Variants in SYNPR observed in about 807,000 individuals in gnomAD.
SYNPR encodes the protein synaptoporin.
SYNPR carries 23 observed loss-of-function variants against 32.9 expected under a neutral mutation model. The ratio of observed to expected loss-of-function variants is 0.70; its 90% CI spans 0.50 to 0.99. The LOEUF is 0.99. SYNPR is among the 50% of genes least tolerant of loss of function. The pLI, the probability that SYNPR is intolerant of heterozygous loss-of-function variation, is 0.00. For synonymous variants in SYNPR, 146 were observed against 135.9 expected, an observed-to-expected ratio of 1.07 and a Z score of -0.52; for missense variants, 318 against 349.3, an observed-to-expected ratio of 0.91 and a Z score of 0.71.
intron 2 of SYNPR, among the ~76,000 whole-genome samples, chr3:63,318,454 T>C (rs148938601): frequency 3.2e-4 from 48 of 152,060 alleles, no homozygotes; most frequent in African/African-American, 1.1e-3. Flanking sequence ...CATATTTTCT[T>C]ATTCTTTTTT....
intron 2 of SYNPR, among the ~76,000 whole-genome samples, chr3:63,459,894 C>T (rs1700549684): frequency 6.6e-6 from 1 of 152,026 alleles, no homozygotes; most frequent in African/African-American, 2.4e-5. Context: ...TTGACACCTC[C>T]CTCATCCACT....
chr3:63,543,326 C>T (rs1404124122), intron 3 of SYNPR, among the ~76,000 whole-genome samples: 1 of 152,030 alleles, frequency 6.6e-6, no homozygotes, highest in Non-Finnish European at 1.5e-5. Flanking sequence ...GGAAGCCAAA[C>T]AAAATTATTG....
the SYNPR span, among the ~76,000 whole-genome samples, chr3:63,221,081 G>A: frequency 1.3e-5 from 2 of 152,140 alleles, no homozygotes; most frequent in Admixed American, 6.5e-5. Context: ...CAAGTACAAG[G>A]GAAGAAATGA....
At chr3:63,336,752 A>AT (rs1268707892) in intron 2 of SYNPR, among the ~76,000 whole-genome samples, 1 of 152,098 alleles carries the variant, frequency 6.6e-6, no homozygotes, top group Admixed American at 6.6e-5. Context: ...ATTAAGTTAG[A>AT]TTTCATTAAA....
At chr3:63,465,212 A>G (rs1263948420) in intron 2 of SYNPR, among the ~76,000 whole-genome samples, 2 of 152,142 alleles carry the variant, frequency 1.3e-5, no homozygotes, top group African/African-American at 4.8e-5. Flanking sequence ...ATTAAAATAT[A>G]ATGAGAAAAA....
intron 1 of SYNPR, among the ~76,000 whole-genome samples, chr3:63,248,030 C>T (rs2086304864): frequency 6.6e-6 from 1 of 152,076 alleles, no homozygotes; most frequent in African/African-American, 2.4e-5. Flanking sequence ...CTGGCCAGAG[C>T]ACTGAAGGGA....
intron 2 of SYNPR, among the ~76,000 whole-genome samples, chr3:63,341,214 T>C (rs573343062): frequency 1.3e-5 from 2 of 152,368 alleles, no homozygotes; most frequent in East Asian, 3.9e-4. Context: ...TGTGACTTGA[T>C]AGCTCATTTA....
chr3:63,585,481 C>T (rs1212478078), intron 4 of SYNPR, among the ~76,000 whole-genome samples: 1 of 151,550 alleles, frequency 6.6e-6, no homozygotes, highest in Non-Finnish European at 1.5e-5. Context: ...CCACCACACA[C>T]ACACACACCA....
At chr3:63,397,076 C>T (rs1240313348) in intron 2 of SYNPR, among the ~76,000 whole-genome samples, 2 of 146,260 alleles carry the variant, frequency 1.4e-5, no homozygotes, top group Non-Finnish European at 3.0e-5. Context: ...TGCACTCCAG[C>T]CTGGGCAACA....
At chr3:63,614,168 C>T (rs978382697) in intron 5 of SYNPR, among the ~76,000 whole-genome samples, 5 of 152,210 alleles carry the variant, frequency 3.3e-5, no homozygotes, top group African/African-American at 9.7e-5. Context: ...GATTGGTCAG[C>T]GTCACGCTAG....
chr3:63,468,394 G>T (rs1389098742), intron 2 of SYNPR, among the ~76,000 whole-genome samples: 5 of 151,726 alleles, frequency 3.3e-5, no homozygotes, highest in Admixed American at 3.3e-4. Context: ...AATGATTCTG[G>T]GTTGCTACCT....
At chr3:63,588,066 T>C (rs530918927) in intron 4 of SYNPR, among the ~76,000 whole-genome samples, 2 of 152,240 alleles carry the variant, frequency 1.3e-5, no homozygotes, top group African/African-American at 4.8e-5. Context: ...TAATTATCCA[T>C]GCTTCTATTA....
At chr3:63,259,563 G>T (rs2106898538) in intron 2 of SYNPR, among the ~76,000 whole-genome samples, 2 of 152,272 alleles carry the variant, frequency 1.3e-5, no homozygotes, top group African/African-American at 4.8e-5. Context: ...AGGTATTGAT[G>T]GGACGTATCT....
chr3:63,513,910 G>C (rs188394149), intron 3 of SYNPR, among the ~76,000 whole-genome samples: 1 of 152,106 alleles, frequency 6.6e-6, no homozygotes, highest in African/African-American at 2.4e-5. Context: ...TTGCTAAAAT[G>C]AAGCCCTTTA....
At chr3:63,535,704 G>T (rs1405445685) in intron 3 of SYNPR, among the ~76,000 whole-genome samples, 7 of 150,340 alleles carry the variant, frequency 4.7e-5, no homozygotes, top group African/African-American at 1.7e-4. Context: ...TCAACAAAAG[G>T]TGCTGAGACA....
intron 2 of SYNPR, among the ~76,000 whole-genome samples, chr3:63,280,064 CT>C (rs2086614084): frequency 6.6e-6 from 1 of 151,948 alleles, no homozygotes; most frequent in African/African-American, 2.4e-5. Flanking sequence ...AAGTAGTGGC[CT>C]TTAGGGAAGA....
chr3:63,373,795 A>G (rs1407341066), intron 2 of SYNPR, among the ~76,000 whole-genome samples: 1 of 152,090 alleles, frequency 6.6e-6, no homozygotes, highest in Admixed American at 6.6e-5. Context: ...TCAAGGTTGA[A>G]ATGAAAGAAA....
intron 4 of SYNPR, among the ~76,000 whole-genome samples, chr3:63,566,627 A>AT (rs1223271556): frequency 6.6e-6 from 1 of 152,090 alleles, no homozygotes; most frequent in East Asian, 1.9e-4. Flanking sequence ...AGGGGTTATA[A>AT]TTTTGGGCTC....
chr3:63,365,863 C>A (rs2087723654), intron 2 of SYNPR, among the ~76,000 whole-genome samples: 1 of 152,136 alleles, frequency 6.6e-6, no homozygotes, highest in Admixed American at 6.5e-5. Flanking sequence ...ACCTTGGAAC[C>A]ACTTCAGAGT....
Sources: gnomAD v4.1 joint callset for allele counts (sites outside exome capture counted in the v4.1 genomes callset) on GRCh38, gnomAD v4.1.1 for gene constraint, MANE v1.5 for transcripts, NCBI Gene and HGNC (gene_info 2026-07-23, HGNC 2026-07-21) for gene names.